Variants in EPB41L4A observed in about 807,000 individuals in gnomAD.
The protein encoded by EPB41L4A is erythrocyte membrane protein band 4.1 like 4A.
Under a neutral mutation model 108.6 loss-of-function variants are expected in EPB41L4A, and 100 were observed. The observed-to-expected ratio is 0.92, with a 90% CI of 0.78 to 1.09. The LOEUF (loss-of-function observed/expected upper bound fraction) is 1.09, where lower values mean the gene tolerates loss of function less well. Ranked by LOEUF, EPB41L4A falls within the 50% of genes least tolerant of loss-of-function variation. EPB41L4A has a pLI of 0.00. For synonymous variants in EPB41L4A, 319 were observed against 289.0 expected (o/e 1.10, Z -1.05); for missense variants, 1,030 against 842.7 (o/e 1.22, Z -2.75).
intron 1 of EPB41L4A, among the ~76,000 whole-genome samples, chr5:112,310,986 A>T (rs945695550): frequency 1.3e-5 from 2 of 152,134 alleles, no homozygotes; most frequent in Non-Finnish European, 2.9e-5. Context: ...AGTAGAAATG[A>T]CTGATTCCTG....
At chr5:112,336,284 T>C (rs1756917304) in intron 1 of EPB41L4A, among the ~76,000 whole-genome samples, 1 of 152,138 alleles carries the variant, frequency 6.6e-6, no homozygotes, top group South Asian at 2.1e-4. Context: ...CATCGACTTG[T>C]TTGAGAAAGT....
At chr5:112,316,493 G>A (rs1755438045) in intron 1 of EPB41L4A, among the ~76,000 whole-genome samples, 1 of 152,108 alleles carries the variant, frequency 6.6e-6, no homozygotes, top group African/African-American at 2.4e-5. Flanking sequence ...CTTCCCAGGG[G>A]AGGCACTGTT....
intron 15 of EPB41L4A, among the ~76,000 whole-genome samples, chr5:112,196,073 A>C (rs1282585353): frequency 6.6e-6 from 1 of 151,898 alleles, no homozygotes; most frequent in Non-Finnish European, 1.5e-5. Context: ...AATTCTCTTT[A>C]TCTCTTCTCT....
intron 1 of EPB41L4A, among the ~76,000 whole-genome samples, chr5:112,393,385 G>A (rs991457240): frequency 3.9e-5 from 6 of 151,900 alleles, no homozygotes; most frequent in South Asian, 2.1e-4. Flanking sequence ...TCAAACAGAC[G>A]CGATAAAAAA....
chr5:112,287,850 G>A (rs1020109402), intron 2 of EPB41L4A, among the ~76,000 whole-genome samples: 1 of 152,146 alleles, frequency 6.6e-6, no homozygotes, highest in Non-Finnish European at 1.5e-5. Flanking sequence ...CAGATAAGGA[G>A]GTTTCCAGGT....
intron 8 of EPB41L4A, among the ~76,000 whole-genome samples, 163 bp from the exon 9 acceptor site, chr5:112,259,455 T>C (rs76164632): frequency 6.6e-6 from 1 of 152,204 alleles, no homozygotes; most frequent in Non-Finnish European, 1.5e-5. Context: ...TACACTCTAA[T>C]GAAAACTCCA....
chr5:112,245,106 C>CAAAAAAAA (rs201980289), intron 9 of EPB41L4A, among the ~76,000 whole-genome samples: 1 of 104,066 alleles, frequency 9.6e-6, no homozygotes. Flanking sequence ...AAGTGAAGTG[C>CAAAAAAAA]AAAAAAAAAA....
chr5:112,375,328 C>T (rs1488294516), intron 1 of EPB41L4A, among the ~76,000 whole-genome samples: 1 of 150,166 alleles, frequency 6.7e-6, no homozygotes, highest in African/African-American at 2.5e-5. Flanking sequence ...CTCTCGCACA[C>T]ACACACATAC....
At chr5:112,292,224 G>C (rs1429892990) in intron 2 of EPB41L4A, among the ~76,000 whole-genome samples, 1 of 152,150 alleles carries the variant, frequency 6.6e-6, no homozygotes, top group Non-Finnish European at 1.5e-5. Context: ...CTATGTGATT[G>C]AATGGAGATG....
intron 3 of EPB41L4A, among the ~76,000 whole-genome samples, chr5:112,278,463 G>A (rs901625844): frequency 1.3e-5 from 2 of 151,796 alleles, no homozygotes; most frequent in African/African-American, 4.8e-5. Context: ...TGTTGGCCAG[G>A]CTGGTCTTCA....
rs1350246348 is a variant in EPB41L4A, at chr5:112,296,259, T to A, written c.204+11127A>T. On this transcript the variant is annotated intron_variant, in intron 2 of 22. Coordinates refer to ENST00000261486, the MANE Select transcript of EPB41L4A (RefSeq NM_022140.5). The stretch of plus-strand genomic sequence containing the variant: ...ATTTTTCTAAATCCCTTCTATTTTT[T>A]ATTTAATATTGCATTAAATCAGGTG... Among the ~76,000 whole-genome samples the A allele has an allele frequency of 9.2e-5, 14 of 152,328 alleles. No homozygotes were observed. In the East Asian group the frequency reaches 2.5e-3, roughly 27 times the overall value.
intron 18 of EPB41L4A, among the ~76,000 whole-genome samples, chr5:112,176,947 G>C (rs1324682480): frequency 6.6e-6 from 1 of 151,598 alleles, no homozygotes; most frequent in African/African-American, 2.4e-5. Flanking sequence ...TAGAGACGAG[G>C]TTTCACCACG....
chr5:112,346,778 A>G, intron 1 of EPB41L4A, among the ~76,000 whole-genome samples: 1 of 152,372 alleles, frequency 6.6e-6, no homozygotes, highest in East Asian at 1.9e-4. Context: ...TCAGTAAAAC[A>G]GAATTTGCAT....
chr5:112,419,107 C>G lies in EPB41L4A; in HGVS notation c.-68G>C. The G allele has an allele frequency of 8.6e-7, 1 of 1,168,788 alleles. No individual in the cohort carries two copies. The highest frequency in any genetic ancestry group is 1.3e-6 in the Non-Finnish European group (1 of 779,374). 72.4% of individuals were successfully genotyped at this position (1,168,788 alleles called of 1,614,324 possible). A position where few individuals can be genotyped will look rare whatever the true frequency, so the allele number is the denominator to read the frequency against. ...GAGGCGCCCAGCCGCCCCCTCCACT[C>G]AAGCGCGATGCATTAATTTATTGTC... On this transcript the variant is annotated 5_prime_UTR_variant, in exon 1 of 23. It removes the in-frame stop codon of an upstream open reading frame in the 5' UTR. Transcript: ENST00000261486.
chr5:112,195,697 T>C lies in EPB41L4A; in HGVS notation c.1388A>G (p.Asn463Ser). ...VQPVRRRKAHNSGEDSDLKQR... is the reference protein window; with the variant it reads ...VQPVRRRKAHSSGEDSDLKQR... ...CTTAAGATCTGAATCTTCACCACTG[T>C]TATGGGCTTTCCTGTGAAAACAAAT... Residue 463 changes from asparagine (N) to serine (S), a missense_variant, in exon 16 of 23, where the codon AAC (asparagine) becomes AGC (serine). Transcript: ENST00000261486. 1 of 1,613,418 alleles carries C rather than the reference T, an allele frequency of 6.2e-7. No individual in the cohort carries two copies. Among genetic ancestry groups the C allele is most frequent in the Non-Finnish European group, 8.5e-7 (1 of 1,179,776 alleles).
At chr5:112,374,055 A>G (rs1759657905) in intron 1 of EPB41L4A, among the ~76,000 whole-genome samples, 1 of 152,222 alleles carries the variant, frequency 6.6e-6, no homozygotes. Context: ...GGAAGCACCC[A>G]TCTTCTGTGA....
chr5:112,320,343 C>T (rs1003651102), intron 1 of EPB41L4A, among the ~76,000 whole-genome samples: 4 of 152,174 alleles, frequency 2.6e-5, no homozygotes, highest in African/African-American at 9.7e-5. Context: ...CAGGATTCTG[C>T]TGCAAGTATG....
intron 12 of EPB41L4A, among the ~76,000 whole-genome samples, chr5:112,156,490 T>C (rs1759652544): frequency 6.6e-6 from 1 of 152,184 alleles, no homozygotes; most frequent in South Asian, 2.1e-4. Context: ...GAATCCTTTC[T>C]TTATCCCGTT....
At chr5:112,230,873 A>C (rs1748865303) in intron 12 of EPB41L4A, among the ~76,000 whole-genome samples, 1 of 152,182 alleles carries the variant, frequency 6.6e-6, no homozygotes, top group Non-Finnish European at 1.5e-5. Flanking sequence ...CAGTGAACCA[A>C]GATTGGACCA....
Sources: allele counts gnomAD v4.1 joint callset (sites outside exome capture counted in the v4.1 genomes callset), GRCh38; gene constraint gnomAD v4.1.1; transcripts MANE v1.5; gene names NCBI Gene and HGNC (gene_info 2026-07-23, HGNC 2026-07-21).